C3: variants seen among roughly 807,000 people sequenced by gnomAD.
C3 encodes the protein complement C3, also known as C3 and PZP-like alpha-2-macroglobulin domain-containing protein 1.
A neutral mutation model predicts 207.9 loss-of-function variants in C3; 97 were observed. That is an observed-to-expected ratio of 0.47 (90% CI 0.40 to 0.55). C3 has a LOEUF of 0.55. C3 is among the 20% of genes least tolerant of loss of function. The probability of loss-of-function intolerance (pLI) is 0.00; values close to 1 mark genes in which losing one functional copy is unlikely to be tolerated. For missense variants in C3, 1,684 were observed against 2,171.7 expected (o/e 0.78, Z 4.46); for synonymous variants, 848 against 857.6 (o/e 0.99, Z 0.20).
At chr19:6,709,609 A>AGG in intron 14 of C3, 75 bp downstream of exon 14, 1 of 1,351,660 alleles carries the variant, frequency 7.4e-7, no homozygotes, top group Non-Finnish European at 1.1e-6. Context: ...TGCCCTCTCC[A>AGG]GTCCCACCCA....
chr19:6,711,292 A>G, intron 11 of C3, 96 bp from the exon 12 acceptor site: 1 of 959,412 alleles, frequency 1.0e-6, no homozygotes, highest in Non-Finnish European at 1.6e-6. Flanking sequence ...TCTTAACAAA[A>G]GGGGCTTTGC....
At chr19:6,718,560 A>T in intron 2 of C3, 148 bp from the exon 3 acceptor site, 1 of 808,654 alleles carries the variant, frequency 1.2e-6, no homozygotes, top group Non-Finnish European at 2.0e-6. Context: ...GGGCATGTGA[A>T]GGAGGTGCGA....
chr19:6,712,695 C>T, intron 9 of C3, 72 bp from the exon 10 acceptor site: 1 of 1,275,882 alleles, frequency 7.8e-7, no homozygotes, highest in Non-Finnish European at 1.1e-6. Context: ...TCAGAATGGA[C>T]CCCAACTTCA....
At chr19:6,707,649 G>T in intron 15 of C3, 112 bp from the exon 16 acceptor site, 2 of 1,527,774 alleles carry the variant, frequency 1.3e-6, no homozygotes, top group South Asian at 1.1e-5. Flanking sequence ...TTTGATGGAA[G>T]AGCAAACTGA....
At chr19:6,680,101 C>T in intron 36 of C3, 57 bp downstream of exon 36, 1 of 916,384 alleles carries the variant, frequency 1.1e-6, no homozygotes, top group Admixed American at 1.7e-5. Context: ...TCATATATAC[C>T]TGGGACTCTC....
In C3 at chr19:6,684,579, T is replaced by A. The variant is rs1917950038; in HGVS notation, c.4101A>T (p.Ile1367=). 6.2e-7 allele frequency: 1 copy of A among 1,614,048 alleles called. No homozygotes were observed. Among genetic ancestry groups the A allele is most frequent in the Non-Finnish European group, 8.5e-7 (1 of 1,179,870 alleles). The change falls in exon 32 of 41, where the codon ATA becomes ATT. Residue 1367 remains isoleucine, a synonymous_variant. Coordinates refer to ENST00000245907, the MANE Select transcript of C3 (RefSeq NM_000064.4). ...TTTTACCTGTTTCCGGTGCTGGTTT[T>A]ATGGTGACCTTGAGGTCGAATTTAT... ...TCNKFDLKVT[I]KPAPETEKRP... is the part of the protein sequence containing the mutation.
Position 6,713,328 on chromosome 19 carries a change from A to G in C3, c.877-13T>C. On this transcript the variant is annotated splice_polypyrimidine_tract_variant and intron_variant, in intron 8 of 40. Transcript: ENST00000245907. Reference sequence around the variant, plus strand: ...AGCCATCCTCAATCTGAGAAGGGAGAGGAGGGCTCAGAGAGGGGAGCGGGC... The same window carrying G: ...AGCCATCCTCAATCTGAGAAGGGAGGGGAGGGCTCAGAGAGGGGAGCGGGC... The G allele has an allele frequency of 6.2e-7, 1 of 1,613,798 alleles. No individual in the cohort carries two copies. Among genetic ancestry groups the G allele is most frequent in the Non-Finnish European group, 8.5e-7 (1 of 1,179,968 alleles).
In C3 at chr19:6,712,516, C is replaced by T. The variant is rs754337994; in HGVS notation, c.1111G>A (p.Asp371Asn). The T allele has an allele frequency of 1.2e-6, 2 of 1,614,134 alleles. No individual in the cohort carries two copies. Among genetic ancestry groups the T allele is most frequent in the Admixed American group, 3.3e-5 (2 of 60,022 alleles). ...PKYFKPGMPF[D>N]LMVFVTNPDG... Reference sequence around the variant, plus strand: ...CCCGCCCCGGGTCTCACCATGAGGTCAAAGGGCATTCCTGGTTTGAAGTAC... The same window carrying T: ...CCCGCCCCGGGTCTCACCATGAGGTTAAAGGGCATTCCTGGTTTGAAGTAC... Residue 371 changes from aspartate to asparagine, a missense_variant, in exon 10 of 41, where the codon GAC becomes AAC. Transcript: ENST00000245907.
chr19:6,708,932 C>T lies in C3; in HGVS notation c.1845+752G>A, dbSNP rs113252645. Among the ~76,000 whole-genome samples, 1,111 of 152,164 alleles carry T rather than the reference C, an allele frequency of 7.3e-3. 4 individuals are homozygous for T. The highest frequency in any genetic ancestry group is 0.012 in the Non-Finnish European group (803 of 68,004). On this transcript the variant is annotated intron_variant, in intron 14 of 40. Coordinates refer to ENST00000245907, the MANE Select transcript of C3 (RefSeq NM_000064.4). Reference sequence around the variant, plus strand: ...GAACTCCTGGCCTCAAGTGATCCTCCCACCTTGACCTCCCAAAGTGCTGGG... The same window carrying T: ...GAACTCCTGGCCTCAAGTGATCCTCTCACCTTGACCTCCCAAAGTGCTGGG...
chr19:6,678,735 AT>A (rs1917784649), intron 38 of C3, among the ~76,000 whole-genome samples: 1 of 152,222 alleles, frequency 6.6e-6, no homozygotes, highest in South Asian at 2.1e-4. Flanking sequence ...AGTGACTCAT[AT>A]GCACAAAATA....
chr19:6,684,013 CGCT>C (rs1917933831), intron 33 of C3, among the ~76,000 whole-genome samples: 1 of 152,196 alleles, frequency 6.6e-6, no homozygotes, highest in Non-Finnish European at 1.5e-5. Flanking sequence ...GCAGGAGGAT[CGCT>C]TGAGCCAGGG....
chr19:6,683,198 C>G (rs1056614539), intron 33 of C3: 11 of 151,966 alleles, frequency 7.2e-5, no homozygotes, highest in African/African-American at 2.7e-4. Context: ...CTGATCCAAA[C>G]TTAGAAAGGA....
chr19:6,709,812 G>T lies in C3; in HGVS notation c.1717C>A (p.Arg573=). 3 of 1,613,840 alleles carry T rather than the reference G, an allele frequency of 1.9e-6. No individual in the cohort carries two copies. The East Asian group carries it at 6.7e-5, about 36-fold the overall frequency. ...ATCTGCTGCCCAGGTACAGGCTGCCGGTCTTCTGACTGGCCGCTTTTTACC... is the reference window on the plus strand; with the variant it reads ...ATCTGCTGCCCAGGTACAGGCTGCCTGTCTTCTGACTGGCCGCTTTTTACC... ...LVVKSGQSED[R]QPVPGQQMTL... The change falls in exon 14 of 41, where the codon CGG becomes AGG. Residue 573 remains arginine (R), a synonymous_variant. Transcript: ENST00000245907.
chr19:6,692,911 C>T lies in C3; in HGVS notation c.3390+13G>A, dbSNP rs1285315613. On this transcript the variant is annotated intron_variant, in intron 26 of 40. Coordinates refer to ENST00000245907, the MANE Select transcript of C3 (RefSeq NM_000064.4). ...CCCTCTCTTCCATTTTGCCCTAAAT[C>T]CCAGCCTCTTACAATCATTTCTTGG... 6.2e-7 allele frequency: 1 copy of T among 1,613,650 alleles called. No homozygotes were observed. Among genetic ancestry groups the T allele is most frequent in the Admixed American group, 1.7e-5 (1 of 60,008 alleles).
At chr19:6,712,437 C>T (rs749746252) in intron 10 of C3, 31 bp from the exon 11 acceptor site, 1 of 1,614,182 alleles carries the variant, frequency 6.2e-7, no homozygotes, top group East Asian at 2.2e-5. Context: ...GGGGGAAGTT[C>T]AGGCAGGCTC....
At chr19:6,710,391 G>C (rs776242810) in intron 13 of C3, among the ~76,000 whole-genome samples, 28 of 150,640 alleles carry the variant, frequency 1.9e-4, no homozygotes, top group Non-Finnish European at 3.6e-4. Context: ...GAGATCGAGA[G>C]AGGGAGAGAG....
intron 25 of C3, 132 bp from the exon 26 acceptor site, chr19:6,693,215 C>A (rs965000244): frequency 1.7e-6 from 2 of 1,199,176 alleles, no homozygotes; most frequent in Non-Finnish European, 2.4e-6. Context: ...GGCCCCAGGA[C>A]CCAGCTGTTG....
At chr19:6,709,611 T>TGGCCCCCCCCC in intron 14 of C3, 73 bp downstream of exon 14, 10 of 1,109,438 alleles carry the variant, frequency 9.0e-6, no homozygotes, top group Non-Finnish European at 8.1e-6. Flanking sequence ...CCCTCTCCAG[T>TGGCCCCCCCCC]CCCACCCACC....
At chr19:6,707,764 G>GT in intron 15 of C3, 36 bp downstream of exon 15, 3 of 1,611,148 alleles carry the variant, frequency 1.9e-6, no homozygotes, top group Non-Finnish European at 2.5e-6. Flanking sequence ...TGGAGGTGCT[G>GT]TCTGTCCCTG....
Sources: gnomAD v4.1 joint callset for allele counts (sites outside exome capture counted in the v4.1 genomes callset) on GRCh38, gnomAD v4.1.1 for gene constraint, MANE v1.5 for transcripts, NCBI Gene and HGNC (gene_info 2026-07-23, HGNC 2026-07-21) for gene names.